VPS13B: variants seen among roughly 807,000 people sequenced by gnomAD.
VPS13B encodes the protein intermembrane lipid transfer protein VPS13B.
A neutral mutation model predicts 426.4 loss-of-function variants in VPS13B; 285 were observed. The ratio of observed to expected loss-of-function variants is 0.67; its 90% CI spans 0.61 to 0.74. VPS13B has a LOEUF of 0.74. VPS13B is among the 30% of genes least tolerant of loss of function. The pLI is 0.00. For missense variants in VPS13B, 4,537 were observed against 4,782.6 expected, an observed-to-expected ratio of 0.95 and a Z score of 1.51; for synonymous variants, 1,676 against 1,676.4, an observed-to-expected ratio of 1.00 and a Z score of 0.01.
intron 35 of VPS13B, among the ~76,000 whole-genome samples, chr8:99,692,746 G>A (rs1174932136): frequency 6.8e-6 from 1 of 147,500 alleles, no homozygotes; most frequent in Non-Finnish European, 1.5e-5. Context: ...AAAAATCAAT[G>A]AATCCAGGAG....
chr8:99,680,573 G>A (rs1026763801), intron 35 of VPS13B, among the ~76,000 whole-genome samples: 2 of 152,186 alleles, frequency 1.3e-5, no homozygotes, highest in African/African-American at 2.4e-5. Context: ...TGGCAGGCAT[G>A]GGTTTACTTA....
intron 24 of VPS13B, among the ~76,000 whole-genome samples, chr8:99,472,382 A>G (rs981533225): frequency 6.6e-6 from 1 of 152,008 alleles, no homozygotes; most frequent in East Asian, 1.9e-4. Context: ...ACCACAGTCA[A>G]ATTAGAAATT....
intron 17 of VPS13B, among the ~76,000 whole-genome samples, chr8:99,261,590 A>G (rs990060904): frequency 1.3e-5 from 2 of 152,168 alleles, no homozygotes; most frequent in Non-Finnish European, 2.9e-5. Context: ...AAGAGTGTGA[A>G]TACTGAATGG....
At chr8:99,250,965 T>A (rs1425484565) in intron 17 of VPS13B, among the ~76,000 whole-genome samples, 1 of 152,148 alleles carries the variant, frequency 6.6e-6, no homozygotes, top group Admixed American at 6.5e-5. Flanking sequence ...TCACATATAT[T>A]CATTGAGAAA....
Position 99,818,442 on chromosome 8 carries a change from C to T in VPS13B, c.8362-9C>T, listed in dbSNP as rs1339846925. 6.2e-7 allele frequency: 1 copy of T among 1,613,564 alleles called. No individual in the cohort carries two copies. Among genetic ancestry groups the T allele is most frequent in the Non-Finnish European group, 8.5e-7 (1 of 1,179,652 alleles). Reference sequence around the variant, plus strand: ...TATTCAATAGGACCCTTTGCTATTTCATGTGCAGGTGCCATCTTCAAACAG... The same window carrying T: ...TATTCAATAGGACCCTTTGCTATTTTATGTGCAGGTGCCATCTTCAAACAG... On this transcript the variant is annotated splice_polypyrimidine_tract_variant and intron_variant, in intron 45 of 61. Coordinates refer to ENST00000357162, the MANE Select transcript of VPS13B (RefSeq NM_152564.5).
At chr8:99,672,033 AT>A (rs980009345) in intron 35 of VPS13B, among the ~76,000 whole-genome samples, 1 of 152,022 alleles carries the variant, frequency 6.6e-6, no homozygotes, top group Non-Finnish European at 1.5e-5. Context: ...TTTATAGTAT[AT>A]TTTTTGAAGT....
chr8:99,315,107 G>A (rs1412553304), intron 19 of VPS13B, among the ~76,000 whole-genome samples: 2 of 151,992 alleles, frequency 1.3e-5, no homozygotes, highest in African/African-American at 2.4e-5. Context: ...TTACATTCAA[G>A]GTTTTTAAAA....
chr8:99,143,109 A>G lies in VPS13B; in HGVS notation c.1787A>G (p.Lys596Arg), dbSNP rs1167758801. ...LDSSAVHRIL[K>R]MIVCALEHEY... The stretch of plus-strand genomic sequence containing the variant: ...AGCAGTGCGGTGCATAGGATTTTGA[A>G]AATGATTGTGTGTGCCTTGGAACAT... The change falls in exon 13 of 62, where the codon AAA becomes AGA. Residue 596 changes from lysine (K) to arginine (R), a missense_variant. By Grantham distance (26) the Lys-to-Arg change is conservative. This residue lies in a region of VPS13B where 4,311 missense variants were observed against 4,474.3 expected (regional missense o/e 0.96). Transcript: ENST00000357162. 1 of 1,613,926 alleles carries G rather than the reference A, an allele frequency of 6.2e-7. No individual in the cohort carries two copies. The highest frequency in any genetic ancestry group is 8.5e-7 in the Non-Finnish European group (1 of 1,179,976).
chr8:99,350,410 A>C (rs550634332), intron 19 of VPS13B, among the ~76,000 whole-genome samples: 1 of 152,326 alleles, frequency 6.6e-6, no homozygotes, highest in South Asian at 2.1e-4. Context: ...AACTGGTATG[A>C]TGAGTAAATG....
intron 54 of VPS13B, among the ~76,000 whole-genome samples, chr8:99,843,210 T>G (rs892623681): frequency 6.6e-6 from 1 of 152,068 alleles, no homozygotes; most frequent in Non-Finnish European, 1.5e-5. Context: ...TAACACAGAT[T>G]CAAATGGCAA....
At chr8:99,116,171 A>C (rs1431985137) in intron 7 of VPS13B, among the ~76,000 whole-genome samples, 1 of 150,026 alleles carries the variant, frequency 6.7e-6, no homozygotes, top group African/African-American at 2.5e-5. Flanking sequence ...GGGATTACAG[A>C]CATGCATCAC....
chr8:99,785,146 G>C (rs1235433134), intron 43 of VPS13B, among the ~76,000 whole-genome samples: 1 of 152,144 alleles, frequency 6.6e-6, no homozygotes, highest in Non-Finnish European at 1.5e-5. Flanking sequence ...TTAGAGATAT[G>C]TGTCCTGTAG....
chr8:99,711,788 T>G (rs1302556840), intron 36 of VPS13B, among the ~76,000 whole-genome samples: 2 of 152,156 alleles, frequency 1.3e-5, no homozygotes, highest in African/African-American at 4.8e-5. Flanking sequence ...AAATCTGATA[T>G]GAAAGAAAAT....
At chr8:99,559,813 T>G (rs1468829280) in intron 31 of VPS13B, among the ~76,000 whole-genome samples, 1 of 152,172 alleles carries the variant, frequency 6.6e-6, no homozygotes, top group Non-Finnish European at 1.5e-5. Flanking sequence ...ACTGTAGCCG[T>G]GTAGTATAGT....
intron 34 of VPS13B, among the ~76,000 whole-genome samples, chr8:99,659,549 AT>A (rs1202823203): frequency 8.5e-5 from 13 of 152,286 alleles, no homozygotes; most frequent in African/African-American, 1.2e-4. Flanking sequence ...TTACCTCAGT[AT>A]ACATTATTTT....
At position 99,192,191 on chromosome 8, in the gene VPS13B, C is replaced by G. The variant is rs147847651; in HGVS notation, c.2334-685C>G. On this transcript the variant is annotated intron_variant, in intron 16 of 61. Transcript: ENST00000357162. ...ATTTAATTACATAATTCACTTTATTCATAGACAAAACCAAATGAATAAGGG... is the reference window on the plus strand; with the variant it reads ...ATTTAATTACATAATTCACTTTATTGATAGACAAAACCAAATGAATAAGGG... Among the ~76,000 whole-genome samples, 1,274 of 152,126 alleles carry G rather than the reference C, an allele frequency of 8.4e-3. 21 individuals are homozygous for G. Among genetic ancestry groups the G allele is most frequent in the African/African-American group, 0.029 (1,210 of 41,496 alleles).
chr8:99,305,293 A>G (rs1202189349), intron 19 of VPS13B, among the ~76,000 whole-genome samples: 1 of 152,126 alleles, frequency 6.6e-6, no homozygotes, highest in Admixed American at 6.5e-5. Context: ...AAAACAACCA[A>G]TAAAAATAAT....
At chr8:99,044,980 A>G (rs1373440736) in intron 3 of VPS13B, among the ~76,000 whole-genome samples, 1 of 70,436 alleles carries the variant, frequency 1.4e-5, no homozygotes, top group Admixed American at 1.1e-4. Flanking sequence ...GCAATTGTGA[A>G]TTGTTTTGCT....
chr8:99,791,944 AG>A (rs1475213766), intron 43 of VPS13B, among the ~76,000 whole-genome samples: 1 of 152,084 alleles, frequency 6.6e-6, no homozygotes, highest in African/African-American at 2.4e-5. Flanking sequence ...AGGCTGCTAG[AG>A]TGTGAAGAGA....
Sources: gnomAD v4.1 joint callset for allele counts (sites outside exome capture counted in the v4.1 genomes callset) on GRCh38, gnomAD v4.1.1 for gene constraint, gnomAD v4.1.1 regional missense constraint, MANE v1.5 for transcripts, NCBI Gene and HGNC (gene_info 2026-07-23, HGNC 2026-07-21) for gene names.